The following SSH2 variants were observed in gnomAD, a reference collection of about 807,000 sequenced individuals.
SSH2 encodes slingshot protein phosphatase 2.
SSH2 carries 37 observed loss-of-function variants against 135.2 expected under a neutral mutation model. The ratio of observed to expected loss-of-function variants is 0.27; its 90% CI spans 0.21 to 0.36. SSH2 has a LOEUF of 0.36. Ranked by LOEUF, SSH2 falls within the 10% of genes least tolerant of loss-of-function variation. The pLI is 1.00. For synonymous variants in SSH2, 628 were observed against 646.2 expected, an observed-to-expected ratio of 0.97 and a Z score of 0.43; for missense variants, 1,408 against 1,765.3, an observed-to-expected ratio of 0.80 and a Z score of 3.63.
intron 3 of SSH2, among the ~76,000 whole-genome samples, chr17:29,790,694 A>G (rs1219058652): frequency 2.0e-5 from 3 of 151,978 alleles, no homozygotes; most frequent in African/African-American, 4.8e-5. Context: ...ATCTGTGAAC[A>G]AAGCCATCAT....
At chr17:29,831,060 A>T (rs574614175) in intron 2 of SSH2, among the ~76,000 whole-genome samples, 61 of 152,330 alleles carry the variant, frequency 4.0e-4, no homozygotes, top group African/African-American at 1.3e-3. Context: ...TGTTATATGG[A>T]GCTCATAACA....
intron 1 of SSH2, among the ~76,000 whole-genome samples, chr17:29,869,677 T>C (rs1012324529): frequency 6.6e-6 from 1 of 152,178 alleles, no homozygotes; most frequent in African/African-American, 2.4e-5. Context: ...CCCTTGTGAA[T>C]AAGACCCCCT....
intron 3 of SSH2, among the ~76,000 whole-genome samples, chr17:29,738,557 TTTA>T (rs1371987218): frequency 1.3e-5 from 2 of 148,696 alleles, no homozygotes; most frequent in South Asian, 2.1e-4. Flanking sequence ...TTTATTTTAT[TTTA>T]TTTTTTTTTT....
chr17:29,853,239 A>C (rs984269905), intron 1 of SSH2, among the ~76,000 whole-genome samples: 4 of 151,762 alleles, frequency 2.6e-5, no homozygotes, highest in Non-Finnish European at 5.9e-5. Context: ...GGTGCACACC[A>C]CAACGACCGG....
chr17:29,634,511 G>A (rs2035812854), intron 15 of SSH2, among the ~76,000 whole-genome samples: 1 of 152,078 alleles, frequency 6.6e-6, no homozygotes, highest in Admixed American at 6.6e-5. Context: ...AGAATCTTAG[G>A]ATTCTGTCTG....
At chr17:29,767,363 C>A (rs919139145) in intron 3 of SSH2, among the ~76,000 whole-genome samples, 2 of 127,318 alleles carry the variant, frequency 1.6e-5, no homozygotes, top group African/African-American at 7.1e-5. Context: ...TCTCTTTAAA[C>A]GTTTTCTTTT....
At chr17:29,772,646 A>G (rs1237936612) in intron 3 of SSH2, among the ~76,000 whole-genome samples, 2 of 152,052 alleles carry the variant, frequency 1.3e-5, no homozygotes, top group African/African-American at 4.8e-5. Flanking sequence ...TCCAGTCTCA[A>G]TGTAAGCAGG....
At chr17:29,923,528 A>G (rs1374197250) in intron 1 of SSH2, among the ~76,000 whole-genome samples, 2 of 151,592 alleles carry the variant, frequency 1.3e-5, no homozygotes, top group East Asian at 3.9e-4. Flanking sequence ...GCTGAGATGG[A>G]AGGATCACTT....
chr17:29,639,879 A>G (rs994660227), intron 14 of SSH2: 5 of 152,140 alleles, frequency 3.3e-5, no homozygotes, highest in African/African-American at 4.8e-5. Context: ...ATATGAGTGT[A>G]TTCCCCAATT....
chr17:29,669,198 G>A (rs1045286168), intron 9 of SSH2, among the ~76,000 whole-genome samples: 5 of 151,848 alleles, frequency 3.3e-5, no homozygotes, highest in Admixed American at 1.3e-4. Flanking sequence ...GCAGTGAGCC[G>A]AGATAGTGCC....
chr17:29,829,270 C>T (rs2042797467), intron 2 of SSH2, among the ~76,000 whole-genome samples: 1 of 152,192 alleles, frequency 6.6e-6, no homozygotes. Flanking sequence ...TACTATTTAT[C>T]ATTTCCATTC....
At chr17:29,797,522 C>A (rs1250365114) in intron 2 of SSH2, among the ~76,000 whole-genome samples, 5 of 152,124 alleles carry the variant, frequency 3.3e-5, no homozygotes, top group Admixed American at 3.3e-4. Flanking sequence ...CTGAGGATTC[C>A]ATCACATGAA....
chr17:29,647,593 T>C (rs1293111728), intron 14 of SSH2: 1 of 152,336 alleles, frequency 6.6e-6, no homozygotes, highest in African/African-American at 2.4e-5. Context: ...CTCTTTTTTT[T>C]CTTTAAAAAA....
intron 4 of SSH2, among the ~76,000 whole-genome samples, chr17:29,702,527 C>T (rs1399374808): frequency 7.5e-5 from 11 of 147,028 alleles, no homozygotes; most frequent in Admixed American, 2.0e-4. Context: ...TGGTGGCGGG[C>T]GCCTGTAGTC....
intron 3 of SSH2, chr17:29,761,203 C>A: frequency 7.8e-7 from 1 of 1,289,456 alleles, no homozygotes. Flanking sequence ...AGTAAGGAAT[C>A]ATGTCGGGGC....
At chr17:29,634,236 G>T (rs1348989075) in intron 15 of SSH2, among the ~76,000 whole-genome samples, 1 of 152,184 alleles carries the variant, frequency 6.6e-6, no homozygotes, top group Non-Finnish European at 1.5e-5. Flanking sequence ...ATCGTTAACG[G>T]ACAAAGCGGT....
At chr17:29,730,731 A>C (rs2040161229) in intron 3 of SSH2, among the ~76,000 whole-genome samples, 1 of 152,096 alleles carries the variant, frequency 6.6e-6, no homozygotes, top group African/African-American at 2.4e-5. Context: ...GAGCCACTGC[A>C]CCCAGCCTAA....
intron 3 of SSH2, among the ~76,000 whole-genome samples, chr17:29,792,967 C>T (rs1253343709): frequency 6.6e-6 from 1 of 152,170 alleles, no homozygotes; most frequent in Non-Finnish European, 1.5e-5. Context: ...AGCCACCGCG[C>T]CCGGCCTGAT....
intron 1 of SSH2, among the ~76,000 whole-genome samples, chr17:29,870,123 A>G (rs1401280645): frequency 2.0e-5 from 3 of 152,120 alleles, no homozygotes; most frequent in African/African-American, 7.2e-5. Flanking sequence ...CATTTTCCCA[A>G]TGTTACTCAT....
Sources: allele counts gnomAD v4.1 joint callset (sites outside exome capture counted in the v4.1 genomes callset), GRCh38; gene constraint gnomAD v4.1.1; transcripts MANE v1.5; gene names NCBI Gene and HGNC (gene_info 2026-07-23, HGNC 2026-07-21).